Variants in PDSS2 observed in about 807,000 individuals in gnomAD.
The protein encoded by PDSS2 is all trans-polyprenyl-diphosphate synthase PDSS2.
Under a neutral mutation model 44.5 loss-of-function variants are expected in PDSS2, and 31 were observed. The observed-to-expected ratio is 0.70, with a 90% CI of 0.52 to 0.94. PDSS2 has a LOEUF of 0.94. Among genes scored for constraint, PDSS2 ranks in the 40% least tolerant of loss-of-function variants. The pLI is 0.00. For synonymous variants in PDSS2, 157 were observed against 180.3 expected, an observed-to-expected ratio of 0.87 and a Z score of 1.03; for missense variants, 452 against 482.2, an observed-to-expected ratio of 0.94 and a Z score of 0.59.
chr6:107,158,025 G>A (rs548549669), intron 7 of PDSS2, among the ~76,000 whole-genome samples: 1 of 152,072 alleles, frequency 6.6e-6, no homozygotes, highest in Non-Finnish European at 1.5e-5. Flanking sequence ...GAGACTTCAA[G>A]GTCCTTACTG....
At chr6:107,206,715 A>G (rs1772989363) in intron 6 of PDSS2, among the ~76,000 whole-genome samples, 1 of 152,198 alleles carries the variant, frequency 6.6e-6, no homozygotes, top group South Asian at 2.1e-4. Flanking sequence ...ATGTTTGAAG[A>G]AAGTTTATGA....
At chr6:107,429,768 C>T (rs1356525595) in intron 1 of PDSS2, among the ~76,000 whole-genome samples, 3 of 150,114 alleles carry the variant, frequency 2.0e-5, no homozygotes, top group Non-Finnish European at 4.4e-5. Flanking sequence ...CCTGTAATCC[C>T]AGCTACTTCG....
At chr6:107,340,042 T>TAA (rs75113713) in intron 1 of PDSS2, among the ~76,000 whole-genome samples, 13 of 102,904 alleles carry the variant, frequency 1.3e-4, no homozygotes, top group Admixed American at 2.9e-4. Context: ...TAATAGTCAA[T>TAA]AAAAAAAAAA....
At chr6:107,158,172 G>A (rs9486543) in intron 7 of PDSS2, among the ~76,000 whole-genome samples, 5,474 of 146,582 alleles carry the variant, frequency 0.037, 324 homozygotes, top group African/African-American at 0.13. Flanking sequence ...GAGATCAGAA[G>A]CCAGGTTTTC....
At chr6:107,183,371 C>T (rs534934270) in intron 7 of PDSS2, among the ~76,000 whole-genome samples, 1 of 152,234 alleles carries the variant, frequency 6.6e-6, no homozygotes, top group South Asian at 2.1e-4. Flanking sequence ...CCACAATCTC[C>T]ATAGTTATCA....
At chr6:107,349,145 A>G (rs1447633898) in intron 1 of PDSS2, among the ~76,000 whole-genome samples, 1 of 152,210 alleles carries the variant, frequency 6.6e-6, no homozygotes, top group Non-Finnish European at 1.5e-5. Context: ...TATAAATTAC[A>G]AATAAGGCCG....
At chr6:107,164,599 C>T (rs1383243621) in intron 7 of PDSS2, among the ~76,000 whole-genome samples, 20 of 152,146 alleles carry the variant, frequency 1.3e-4, no homozygotes, top group Non-Finnish European at 2.8e-4. Flanking sequence ...CAAGTCTTTG[C>T]TATTGTGAAT....
At chr6:107,298,464 AT>A (rs1490087882) in intron 2 of PDSS2, among the ~76,000 whole-genome samples, 2 of 152,234 alleles carry the variant, frequency 1.3e-5, no homozygotes, top group East Asian at 3.8e-4. Context: ...AAATATAACC[AT>A]TTTATATCAG....
intron 7 of PDSS2, among the ~76,000 whole-genome samples, chr6:107,170,518 G>A (rs1771527019): frequency 6.6e-6 from 1 of 151,880 alleles, no homozygotes; most frequent in South Asian, 2.1e-4. Flanking sequence ...CGGTACCTCA[G>A]TTGGAAATGC....
intron 1 of PDSS2, among the ~76,000 whole-genome samples, chr6:107,436,635 G>A (rs1781356363): frequency 6.6e-6 from 1 of 152,090 alleles, no homozygotes; most frequent in South Asian, 2.1e-4. Context: ...ATTTCAGTTG[G>A]GAGGAGTAAG....
intron 6 of PDSS2, among the ~76,000 whole-genome samples, chr6:107,204,104 G>C (rs555328284): frequency 3.0e-4 from 45 of 152,006 alleles, no homozygotes; most frequent in African/African-American, 9.9e-4. Context: ...TACCACACCC[G>C]GCAAATTTCT....
chr6:107,285,101 T>C (rs1392822997), intron 2 of PDSS2, among the ~76,000 whole-genome samples: 1 of 152,138 alleles, frequency 6.6e-6, no homozygotes, highest in Non-Finnish European at 1.5e-5. Flanking sequence ...AGAAAACTAA[T>C]AAATATCCCA....
At chr6:107,262,942 A>G (rs1466864024) in intron 3 of PDSS2, among the ~76,000 whole-genome samples, 1 of 152,082 alleles carries the variant, frequency 6.6e-6, no homozygotes, top group African/African-American at 2.4e-5. Context: ...ACAAAAAATA[A>G]AGAAATAAAA....
chr6:107,196,740 G>A (rs1409218123), intron 6 of PDSS2, among the ~76,000 whole-genome samples: 1 of 152,152 alleles, frequency 6.6e-6, no homozygotes, highest in Non-Finnish European at 1.5e-5. Context: ...GACTGGTCAT[G>A]GCAAAGACCA....
chr6:107,324,123 C>T (rs866441665), intron 2 of PDSS2, among the ~76,000 whole-genome samples: 1 of 152,156 alleles, frequency 6.6e-6, no homozygotes, highest in African/African-American at 2.4e-5. Context: ...TTTGTGCATG[C>T]TGTGCAAGTT....
chr6:107,185,264 A>G (rs1301701142), intron 7 of PDSS2, among the ~76,000 whole-genome samples: 1 of 152,198 alleles, frequency 6.6e-6, no homozygotes. Flanking sequence ...CGCGAATGTC[A>G]AAGCTCATTT....
At chr6:107,367,898 G>C (rs903698100) in intron 1 of PDSS2, among the ~76,000 whole-genome samples, 3 of 151,762 alleles carry the variant, frequency 2.0e-5, no homozygotes, top group East Asian at 3.9e-4. Context: ...AAATACTAAG[G>C]CATCTATAAT....
chr6:107,357,900 C>A (rs749726881), intron 1 of PDSS2, among the ~76,000 whole-genome samples: 3 of 152,086 alleles, frequency 2.0e-5, no homozygotes, highest in African/African-American at 7.2e-5. Flanking sequence ...AAATAAGGCA[C>A]AATGAGGCTA....
chr6:107,311,861 G>A (rs1381245042), intron 2 of PDSS2, among the ~76,000 whole-genome samples: 1 of 152,172 alleles, frequency 6.6e-6, no homozygotes, highest in Non-Finnish European at 1.5e-5. Context: ...TGTGTAAAGT[G>A]TTTTCAGCAC....
Sources: allele counts gnomAD v4.1 joint callset (sites outside exome capture counted in the v4.1 genomes callset), GRCh38; gene constraint gnomAD v4.1.1; transcripts MANE v1.5; gene names NCBI Gene and HGNC (gene_info 2026-07-23, HGNC 2026-07-21).